Variants in PKHD1L1 observed in about 807,000 individuals in gnomAD.
The protein encoded by PKHD1L1 is fibrocystin-L.
In PKHD1L1, 434 loss-of-function variants were observed where a neutral mutation model predicts 462.9. The observed-to-expected ratio is 0.94, with a 90% CI of 0.87 to 1.02. The LOEUF (loss-of-function observed/expected upper bound fraction) is 1.02, where lower values mean the gene tolerates loss of function less well. Ranked by LOEUF, PKHD1L1 falls within the 50% of genes least tolerant of loss-of-function variation. The probability of loss-of-function intolerance (pLI) is 0.00; values close to 1 mark genes in which losing one functional copy is unlikely to be tolerated. For synonymous variants in PKHD1L1, 1,781 were observed against 1,750.0 expected (o/e 1.02, Z -0.44); for missense variants, 5,202 against 5,096.1 (o/e 1.02, Z -0.63).
At position 109,518,147 on chromosome 8, in the gene PKHD1L1, C is replaced by T; in HGVS notation, c.11690-20C>T. On this transcript the variant is annotated intron_variant, in intron 72 of 77. Transcript: ENST00000378402. ...ATATAAAATACTTAGCTGTGATGTTCTGGCTTTTTTCCTTCATAGACCAAT... is the reference window on the plus strand; with the variant it reads ...ATATAAAATACTTAGCTGTGATGTTTTGGCTTTTTTCCTTCATAGACCAAT... 1.4e-6 allele frequency: 2 copies of T among 1,442,992 alleles called. No individual in the cohort carries two copies. Among genetic ancestry groups the T allele is most frequent in the Non-Finnish European group, 1.9e-6 (2 of 1,047,790 alleles). The allele number at this position is 1,442,992 out of a possible 1,614,324, so 89.4% of individuals were successfully genotyped here. A position where few individuals can be genotyped will look rare whatever the true frequency, so the allele number is the denominator to read the frequency against.
At chr8:109,433,811 G>T (rs1187105969) in intron 28 of PKHD1L1, among the ~76,000 whole-genome samples, 3 of 151,940 alleles carry the variant, frequency 2.0e-5, no homozygotes, top group African/African-American at 7.3e-5. Flanking sequence ...CCTTTCTGTT[G>T]TTTTTAGTTT....
At chr8:109,476,776 C>G in intron 52 of PKHD1L1, 109 bp downstream of exon 52, 13 of 932,740 alleles carry the variant, frequency 1.4e-5, no homozygotes, top group Non-Finnish European at 2.0e-5. Flanking sequence ...TATACAGGAT[C>G]CAATAAATGT....
chr8:109,434,145 T>C (rs1372960897), intron 28 of PKHD1L1, among the ~76,000 whole-genome samples: 1 of 152,082 alleles, frequency 6.6e-6, no homozygotes, highest in Non-Finnish European at 1.5e-5. Context: ...AAATACCTAA[T>C]GTAGGTGACG....
rs1821119319 is a variant in PKHD1L1 at position 109,535,117 on chromosome 8, G to A, written c.*5027G>A. On this transcript the variant is annotated 3_prime_UTR_variant, in exon 78 of 78. Transcript: ENST00000378402. ...CTTTATCCTGACTTACAGCCTTAAT[G>A]TTTGAAGTAGCAGTGTATAAAATTC... 6.6e-6 allele frequency among the ~76,000 whole-genome samples: 1 copy of A among 151,914 alleles called. No homozygotes were observed. Among genetic ancestry groups the A allele is most frequent in the Non-Finnish European group, 1.5e-5 (1 of 67,992 alleles).
At chr8:109,415,864 G>GGGGTGT (rs1412111334) in intron 21 of PKHD1L1, among the ~76,000 whole-genome samples, 2 of 100,420 alleles carry the variant, frequency 2.0e-5, no homozygotes, top group African/African-American at 7.0e-5. Context: ...AAAAAAAAGG[G>GGGGTGT]GTGTGTGTGT....
intron 59 of PKHD1L1, among the ~76,000 whole-genome samples, chr8:109,489,484 T>C (rs548172850): frequency 6.6e-6 from 1 of 152,096 alleles, no homozygotes; most frequent in Admixed American, 6.6e-5. Flanking sequence ...TAATTGGCAA[T>C]ACATATTCTG....
rs544409563 is a variant in PKHD1L1 at position 109,373,940 on chromosome 8, G to T, written c.164-7430G>T. 2.6e-5 allele frequency among the ~76,000 whole-genome samples: 4 copies of T among 152,248 alleles called. No individual in the cohort carries two copies. In the East Asian group the frequency reaches 7.7e-4, roughly 29 times the overall value. On this transcript the variant is annotated intron_variant, in intron 2 of 77. Transcript: ENST00000378402. Reference sequence around the variant, plus strand: ...ACTTCCAACAATGTGGTCAATTTTGGAATAGGTGTGGTGTGGTGCTGAAAA... The same window carrying T: ...ACTTCCAACAATGTGGTCAATTTTGTAATAGGTGTGGTGTGGTGCTGAAAA...
intron 59 of PKHD1L1, 79 bp downstream of exon 59, chr8:109,486,900 C>T (rs1190219446): frequency 1.5e-6 from 2 of 1,331,282 alleles, no homozygotes; most frequent in African/African-American, 1.5e-5. Context: ...TTACATAATT[C>T]TCACTTTTTT....
intron 59 of PKHD1L1, among the ~76,000 whole-genome samples, chr8:109,489,564 A>C (rs182785604): frequency 1.3e-5 from 2 of 151,994 alleles, no homozygotes; most frequent in African/African-American, 4.8e-5. Context: ...CAGGTAAATT[A>C]TATTTTATGC....
intron 2 of PKHD1L1, among the ~76,000 whole-genome samples, chr8:109,380,754 C>T (rs988120624): frequency 6.6e-6 from 1 of 152,176 alleles, no homozygotes; most frequent in African/African-American, 2.4e-5. Context: ...ATTTTGCTCT[C>T]TCTCATACCT....
At chr8:109,386,928 G>GCC in intron 6 of PKHD1L1, among the ~76,000 whole-genome samples, 1 of 152,098 alleles carries the variant, frequency 6.6e-6, no homozygotes, top group Admixed American at 6.6e-5. Context: ...CAGTGAGATG[G>GCC]GACATTAGAG....
rs74849198 is a variant in PKHD1L1 at position 109,432,656 on chromosome 8, G to C, written c.3230-450G>C. Among the ~76,000 whole-genome samples, 601 of 152,264 alleles carry C rather than the reference G, an allele frequency of 3.9e-3. 3 individuals are homozygous for C. The highest frequency in any genetic ancestry group is 0.014 in the African/African-American group (585 of 41,558). ...AACTGTCCCAGGCACTTTGAGATGT[G>C]TATCACCATAAACAGAAGAATCTTA... is the stretch of plus-strand genomic sequence containing the variant. On this transcript the variant is annotated intron_variant, in intron 27 of 77. Transcript: ENST00000378402.
chr8:109,393,237 A>G lies in PKHD1L1; in HGVS notation c.741-1178A>G, dbSNP rs574377340. Among the ~76,000 whole-genome samples, 191 of 152,168 alleles carry G rather than the reference A, an allele frequency of 1.3e-3. 2 individuals carry two copies. Among genetic ancestry groups the G allele is most frequent in the African/African-American group, 4.4e-3 (184 of 41,518 alleles). Reference sequence around the variant, plus strand: ...CTTTAGTCTTGCAAATGAACATGGTAATGCCTGGGTTAGATTTACAGGAGC... The same window carrying G: ...CTTTAGTCTTGCAAATGAACATGGTGATGCCTGGGTTAGATTTACAGGAGC... On this transcript the variant is annotated intron_variant, in intron 9 of 77. Coordinates refer to ENST00000378402, the MANE Select transcript of PKHD1L1 (RefSeq NM_177531.6).
chr8:109,461,668 T>G, intron 47 of PKHD1L1, 104 bp from the exon 48 acceptor site: 3 of 1,229,528 alleles, frequency 2.4e-6, no homozygotes, highest in Non-Finnish European at 3.4e-6. Flanking sequence ...AGGATGAGGT[T>G]GAGATCATAT....
At chr8:109,481,712 A>T (rs1366493716) in intron 56 of PKHD1L1, 150 bp downstream of exon 56, 1 of 742,540 alleles carries the variant, frequency 1.3e-6, no homozygotes, top group Non-Finnish European at 1.9e-6. Flanking sequence ...TTTTACAGAA[A>T]TTTATTTATT....
chr8:109,482,517 T>G (rs1757873183), intron 56 of PKHD1L1, among the ~76,000 whole-genome samples: 1 of 151,776 alleles, frequency 6.6e-6, no homozygotes, highest in African/African-American at 2.4e-5. Flanking sequence ...TGATTTGTGG[T>G]GATAGTATTG....
At chr8:109,455,242 G>T (rs1308920952) in intron 45 of PKHD1L1, among the ~76,000 whole-genome samples, 1 of 152,224 alleles carries the variant, frequency 6.6e-6, no homozygotes, top group Non-Finnish European at 1.5e-5. Flanking sequence ...GGAGGCTGAG[G>T]CAGGAGAATC....
At position 109,445,568 on chromosome 8, in the gene PKHD1L1, C is replaced by A; in HGVS notation, c.5699C>A (p.Thr1900Lys). ...GMVDVKIFVNTIAYPPLLFTY... is the reference protein window; with the variant it reads ...GMVDVKIFVNKIAYPPLLFTY... ...GTCGATGTTAAAATCTTTGTTAATA[C>A]AATTGCTTATCCACCTTTGCTTTTT... Residue 1900 changes from threonine (T) to lysine (K), a missense_variant, in exon 38 of 78, where the codon ACA becomes AAA. By Grantham distance (78) the Thr-to-Lys change is moderately conservative. Coordinates refer to ENST00000378402, the MANE Select transcript of PKHD1L1 (RefSeq NM_177531.6). 6.2e-7 allele frequency: 1 copy of A among 1,611,752 alleles called. No individual in the cohort carries two copies. The highest frequency in any genetic ancestry group is 1.1e-5 in the South Asian group (1 of 90,640).
At chr8:109,480,721 C>G (rs1222211055) in intron 55 of PKHD1L1, 1 of 391,612 alleles carries the variant, frequency 2.6e-6, no homozygotes, top group Non-Finnish European at 5.1e-6. Flanking sequence ...TATTAAGCAG[C>G]ATTAAAATAA....
Sources: allele counts gnomAD v4.1 joint callset (sites outside exome capture counted in the v4.1 genomes callset), GRCh38; gene constraint gnomAD v4.1.1; transcripts MANE v1.5; gene names NCBI Gene and HGNC (gene_info 2026-07-23, HGNC 2026-07-21).